Variants in RSPO2 observed in about 807,000 individuals in gnomAD.
RSPO2 encodes the protein R-spondin 2, also known as R-spondin-2.
Under a neutral mutation model 30.9 loss-of-function variants are expected in RSPO2, and 14 were observed. That is an observed-to-expected ratio of 0.45 (90% CI 0.30 to 0.71). The LOEUF (loss-of-function observed/expected upper bound fraction) is 0.71. Among genes scored for constraint, RSPO2 ranks in the 30% least tolerant of loss-of-function variants. The pLI is 0.08. For synonymous variants in RSPO2, 107 were observed against 96.4 expected (o/e 1.11, Z -0.64); for missense variants, 264 against 301.9 (o/e 0.87, Z 0.93).
intron 5 of RSPO2, among the ~76,000 whole-genome samples, chr8:107,905,337 T>G (rs1341104337): frequency 1.3e-5 from 2 of 152,038 alleles, no homozygotes; most frequent in African/African-American, 2.4e-5. Flanking sequence ...TAGCTTTGAC[T>G]ATAAAAGAGA....
chr8:108,055,540 C>A (rs1401466229), intron 2 of RSPO2, among the ~76,000 whole-genome samples: 1 of 152,116 alleles, frequency 6.6e-6, no homozygotes, highest in Non-Finnish European at 1.5e-5. Context: ...AAGATGGTGA[C>A]ATCCTGGCCT....
Position 108,082,461 on chromosome 8 carries a change from AG to A in RSPO2, c.94+83del, listed in dbSNP as rs1383553134. ...TGGAGAGCACAGCCCTGACCATCTGAGCCCCCGGAGCCAGGGCGTGAGTGAG... is the reference window on the plus strand; with the variant it reads ...TGGAGAGCACAGCCCTGACCATCTGACCCCCGGAGCCAGGGCGTGAGTGAG... On this transcript the variant is annotated intron_variant, in intron 2 of 5. Coordinates refer to ENST00000276659, the MANE Select transcript of RSPO2 (RefSeq NM_178565.5). 1.8e-5 allele frequency: 19 copies of A among 1,029,928 alleles called. 1 individual carries two copies. The highest frequency in any genetic ancestry group is 2.3e-5 in the Non-Finnish European group (15 of 663,054). The allele number at this position is 1,029,928 out of a possible 1,614,324, so 63.8% of individuals were successfully genotyped here. A position where few individuals can be genotyped will look rare whatever the true frequency, so the allele number is the denominator to read the frequency against.
intron 5 of RSPO2, among the ~76,000 whole-genome samples, chr8:107,921,850 A>G (rs971738305): frequency 1.3e-5 from 2 of 152,164 alleles, no homozygotes; most frequent in African/African-American, 2.4e-5. Flanking sequence ...CTAAATACAA[A>G]AAAACACATG....
chr8:108,041,203 C>CAAAAAAAAAAA (rs55937336), intron 2 of RSPO2, among the ~76,000 whole-genome samples: 3 of 100,346 alleles, frequency 3.0e-5, no homozygotes, highest in Admixed American at 1.1e-4. Context: ...CAAAAAGTGG[C>CAAAAAAAAAAA]AAAAAAAAAA....
intron 2 of RSPO2, among the ~76,000 whole-genome samples, chr8:108,043,990 A>C (rs1184975708): frequency 2.0e-5 from 3 of 152,152 alleles, no homozygotes; most frequent in Non-Finnish European, 4.4e-5. Context: ...AATAATAGTA[A>C]TACTAATCAC....
At chr8:108,020,053 G>C (rs1416238610) in intron 2 of RSPO2, among the ~76,000 whole-genome samples, 1 of 146,210 alleles carries the variant, frequency 6.8e-6, no homozygotes, top group African/African-American at 2.5e-5. Context: ...TATGCCAGTT[G>C]ATCTATTTTG....
intron 5 of RSPO2, among the ~76,000 whole-genome samples, chr8:107,909,258 T>C (rs1419289153): frequency 9.0e-5 from 6 of 66,566 alleles, no homozygotes; most frequent in African/African-American, 2.0e-4. Context: ...CTTTCCCAGT[T>C]GTTTTTTTTT....
intron 2 of RSPO2, among the ~76,000 whole-genome samples, chr8:108,082,273 C>T (rs995621807): frequency 4.6e-5 from 7 of 152,222 alleles, no homozygotes; most frequent in African/African-American, 1.4e-4. Context: ...AACATGAGTG[C>T]GGACCGCACG....
chr8:108,048,480 C>A (rs776055398), intron 2 of RSPO2, among the ~76,000 whole-genome samples: 8 of 152,038 alleles, frequency 5.3e-5, no homozygotes, highest in Non-Finnish European at 1.2e-4. Flanking sequence ...AAAGTTCCAA[C>A]ACTTAAAATA....
intron 2 of RSPO2, among the ~76,000 whole-genome samples, chr8:108,034,755 C>T (rs1017635622): frequency 6.6e-6 from 1 of 152,020 alleles, no homozygotes; most frequent in African/African-American, 2.4e-5. Flanking sequence ...TGGTTATGGT[C>T]AAAGCTACGT....
At chr8:107,908,991 G>A (rs758476358) in intron 5 of RSPO2, among the ~76,000 whole-genome samples, 35 of 152,256 alleles carry the variant, frequency 2.3e-4, no homozygotes, top group Middle Eastern at 3.4e-3. Context: ...GACATCAAGG[G>A]TGAAAGCTGT....
chr8:108,058,508 A>T (rs181236374), intron 2 of RSPO2, among the ~76,000 whole-genome samples: 4,269 of 152,280 alleles, frequency 0.028, 180 homozygotes, highest in African/African-American at 0.095. Context: ...TTTAAAGTTC[A>T]TATGGAACCA....
At chr8:107,983,031 G>A (rs1390667915) in intron 3 of RSPO2, 8 of 960,182 alleles carry the variant, frequency 8.3e-6, no homozygotes, top group East Asian at 2.6e-5. Context: ...CAGTCTCTGC[G>A]GCTGTGTCAC....
At chr8:107,929,612 T>C (rs1812489794) in intron 5 of RSPO2, among the ~76,000 whole-genome samples, 1 of 152,112 alleles carries the variant, frequency 6.6e-6, no homozygotes, top group Admixed American at 6.6e-5. Context: ...TGGGTTCAGT[T>C]TCTGCTGAGG....
chr8:108,029,943 A>G (rs987844557), intron 2 of RSPO2, among the ~76,000 whole-genome samples: 1 of 152,116 alleles, frequency 6.6e-6, no homozygotes, highest in Non-Finnish European at 1.5e-5. Context: ...TTCAGAATCT[A>G]GTGAGGAACA....
At chr8:107,910,398 T>C (rs2130270035) in intron 5 of RSPO2, among the ~76,000 whole-genome samples, 1 of 152,348 alleles carries the variant, frequency 6.6e-6, no homozygotes, top group South Asian at 2.1e-4. Context: ...AGACTGGGCA[T>C]GGTACATGCC....
intron 2 of RSPO2, among the ~76,000 whole-genome samples, chr8:108,031,904 G>A (rs957802077): frequency 6.6e-6 from 1 of 152,112 alleles, no homozygotes; most frequent in East Asian, 1.9e-4. Context: ...CACCTTACCT[G>A]TAACACAATT....
chr8:108,076,312 A>G (rs1032163151), intron 2 of RSPO2, among the ~76,000 whole-genome samples: 1 of 152,180 alleles, frequency 6.6e-6, no homozygotes, highest in Non-Finnish European at 1.5e-5. Flanking sequence ...GGCAGTCAAT[A>G]TGGAGGCCTG....
At chr8:108,023,103 G>T (rs1420754554) in intron 2 of RSPO2, among the ~76,000 whole-genome samples, 1 of 152,074 alleles carries the variant, frequency 6.6e-6, no homozygotes, top group East Asian at 1.9e-4. Context: ...GATAGAGGGA[G>T]ATTCATTGAT....
Sources: allele counts gnomAD v4.1 joint callset (sites outside exome capture counted in the v4.1 genomes callset), GRCh38; gene constraint gnomAD v4.1.1; transcripts MANE v1.5; gene names NCBI Gene and HGNC (gene_info 2026-07-23, HGNC 2026-07-21).